ATOSA: variants seen among roughly 807,000 people sequenced by gnomAD.
ATOSA encodes atos homolog protein A.
the ATOSA span, among the ~76,000 whole-genome samples, chr15:52,653,501 G>A: frequency 1.3e-5 from 2 of 152,116 alleles, no homozygotes; most frequent in African/African-American, 4.8e-5. Context: ...AGACGTGCTT[G>A]GAAACACAAT....
the ATOSA span, among the ~76,000 whole-genome samples, chr15:52,686,862 A>G: frequency 6.6e-6 from 1 of 152,232 alleles, no homozygotes; most frequent in Non-Finnish European, 1.5e-5. Context: ...TCATGCTGCC[A>G]TGCTTCAGAG....
At chr15:52,598,997 C>G in the ATOSA span, among the ~76,000 whole-genome samples, 1 of 152,162 alleles carries the variant, frequency 6.6e-6, no homozygotes, top group Non-Finnish European at 1.5e-5. Flanking sequence ...AGTAAAAGCT[C>G]CCTGAGGCCT....
the ATOSA span, among the ~76,000 whole-genome samples, chr15:52,686,969 G>T: frequency 3.3e-5 from 5 of 152,156 alleles, no homozygotes; most frequent in African/African-American, 4.8e-5. Flanking sequence ...TGTCATTTCT[G>T]TATAATATAA....
At chr15:52,585,760 A>G in the ATOSA span, among the ~76,000 whole-genome samples, 1 of 152,216 alleles carries the variant, frequency 6.6e-6, no homozygotes. Flanking sequence ...CAAAACCCCA[A>G]GCTGCTGATC....
chr15:52,617,763 T>C, the ATOSA span, among the ~76,000 whole-genome samples: 1 of 94,820 alleles, frequency 1.1e-5, no homozygotes, highest in Non-Finnish European at 1.8e-5. Context: ...TAAATATTTA[T>C]TTATTAATAA....
At chr15:52,686,063 T>A in the ATOSA span, among the ~76,000 whole-genome samples, 1 of 152,196 alleles carries the variant, frequency 6.6e-6, no homozygotes, top group Non-Finnish European at 1.5e-5. Context: ...TAATTTTCTC[T>A]TCATACTTAT....
chr15:52,681,927 T>G, the ATOSA span, among the ~76,000 whole-genome samples: 66 of 152,346 alleles, frequency 4.3e-4, no homozygotes, highest in South Asian at 0.013. Context: ...ATGACCAAAG[T>G]CATGGAACCA....
At chr15:52,640,211 G>A in the ATOSA span, among the ~76,000 whole-genome samples, 2 of 151,974 alleles carry the variant, frequency 1.3e-5, no homozygotes, top group Admixed American at 1.3e-4. Flanking sequence ...AATTACTACT[G>A]TTAACTAATC....
chr15:52,661,556 T>C, the ATOSA span, among the ~76,000 whole-genome samples: 2 of 152,236 alleles, frequency 1.3e-5, no homozygotes, highest in Non-Finnish European at 2.9e-5. Context: ...GACAGAGTGA[T>C]TTTGTAATTT....
the ATOSA span, among the ~76,000 whole-genome samples, chr15:52,706,211 G>A: frequency 4.6e-5 from 7 of 152,162 alleles, no homozygotes; most frequent in East Asian, 1.2e-3. Context: ...GATGGAGTGA[G>A]AACTATAACA....
At chr15:52,700,535 C>T in the ATOSA span, among the ~76,000 whole-genome samples, 1 of 152,120 alleles carries the variant, frequency 6.6e-6, no homozygotes, top group Admixed American at 6.5e-5. Flanking sequence ...GGATCCAAGA[C>T]CACTTCAAAA....
the ATOSA span, among the ~76,000 whole-genome samples, chr15:52,650,687 T>C: frequency 2.0e-5 from 3 of 152,198 alleles, no homozygotes; most frequent in Non-Finnish European, 4.4e-5. Context: ...TTCCAAACTA[T>C]ATAGTTTGTA....
chr15:52,664,280 T>G, the ATOSA span, among the ~76,000 whole-genome samples: 1 of 152,232 alleles, frequency 6.6e-6, no homozygotes, highest in Admixed American at 6.5e-5. Flanking sequence ...GTACTACTGT[T>G]AGTAAACTTT....
chr15:52,592,978 C>G, the ATOSA span, among the ~76,000 whole-genome samples: 248 of 152,186 alleles, frequency 1.6e-3, no homozygotes, highest in African/African-American at 5.7e-3. Context: ...GAGGCCCTGC[C>G]TCTACAAAAC....
chr15:52,642,726 A>G, the ATOSA span, among the ~76,000 whole-genome samples: 16 of 152,310 alleles, frequency 1.1e-4, no homozygotes, highest in South Asian at 2.3e-3. Flanking sequence ...GCAATCTCCC[A>G]TATCTGACTC....
chr15:52,672,676 G>A, the ATOSA span, among the ~76,000 whole-genome samples: 1 of 152,136 alleles, frequency 6.6e-6, no homozygotes, highest in African/African-American at 2.4e-5. Context: ...CAATGCAGAA[G>A]GCTCAGACCC....
At chr15:52,666,387 C>T in the ATOSA span, among the ~76,000 whole-genome samples, 1 of 152,252 alleles carries the variant, frequency 6.6e-6, no homozygotes, top group South Asian at 2.1e-4. Flanking sequence ...CAGAACCTCG[C>T]ACAATACCTG....
the ATOSA span, among the ~76,000 whole-genome samples, chr15:52,662,498 C>T: frequency 6.6e-5 from 10 of 152,134 alleles, no homozygotes; most frequent in South Asian, 2.1e-4. Flanking sequence ...GGGCCGGGCA[C>T]GGTGGCTCAA....
At chr15:52,667,149 T>G in the ATOSA span, among the ~76,000 whole-genome samples, 4 of 152,260 alleles carry the variant, frequency 2.6e-5, no homozygotes, top group Admixed American at 6.5e-5. Flanking sequence ...TTGTTTAATG[T>G]GTTATCAATG....
Sources: gnomAD v4.1 joint callset for allele counts (sites outside exome capture counted in the v4.1 genomes callset) on GRCh38, gnomAD v4.1.1 for gene constraint, MANE v1.5 for transcripts, NCBI Gene and HGNC (gene_info 2026-07-23, HGNC 2026-07-21) for gene names.